NRG1: variants seen among roughly 807,000 people sequenced by gnomAD.
NRG1 encodes neuregulin 1, also known as pro-neuregulin-1, membrane-bound isoform.
In NRG1, 18 loss-of-function variants were observed where a neutral mutation model predicts 63.8. The observed-to-expected ratio is 0.28, with a 90% CI of 0.19 to 0.42. The LOEUF (loss-of-function observed/expected upper bound fraction) is 0.42, where lower values mean the gene tolerates loss of function less well. NRG1 is among the 10% of genes least tolerant of loss of function. NRG1 has a pLI of 1.00. For missense variants in NRG1, 762 were observed against 814.7 expected, an observed-to-expected ratio of 0.94 and a Z score of 0.79; for synonymous variants, 302 against 301.3, an observed-to-expected ratio of 1.00 and a Z score of -0.02.
chr8:32,026,059 T>C (rs1817260779), intron 1 of NRG1, among the ~76,000 whole-genome samples: 1 of 141,148 alleles, frequency 7.1e-6, no homozygotes, highest in Admixed American at 7.7e-5. Context: ...TTAGAGCATA[T>C]ACAATCTTTT....
At chr8:32,061,899 A>G (rs1823939909) in intron 1 of NRG1, 1 of 152,098 alleles carries the variant, frequency 6.6e-6, no homozygotes, top group Non-Finnish European at 1.5e-5. Context: ...AATAAATTAT[A>G]AAAATAAAAC....
At chr8:32,400,670 C>T (rs1024578500) in intron 1 of NRG1, among the ~76,000 whole-genome samples, 5 of 152,124 alleles carry the variant, frequency 3.3e-5, no homozygotes, top group Admixed American at 6.5e-5. Flanking sequence ...GTAAAGGGAA[C>T]GCTCATACAC....
chr8:32,272,535 A>G (rs1851654268), intron 1 of NRG1, among the ~76,000 whole-genome samples: 1 of 152,168 alleles, frequency 6.6e-6, no homozygotes, highest in South Asian at 2.1e-4. Context: ...AGAAAACAGG[A>G]CACTGAGATG....
exon 12 of NRG1, chr8:32,765,545 G>A (rs1831360069): frequency 6.6e-6 from 1 of 152,146 alleles, no homozygotes; most frequent in African/African-American, 2.4e-5. Flanking sequence ...TTTAAAATGT[G>A]GATGACCACC....
intron 1 of NRG1, among the ~76,000 whole-genome samples, chr8:31,686,301 G>C (rs947780895): frequency 6.6e-6 from 1 of 152,042 alleles, no homozygotes; most frequent in Non-Finnish European, 1.5e-5. Flanking sequence ...TATCAAAATT[G>C]TCATGTCCTC....
intron 1 of NRG1, among the ~76,000 whole-genome samples, chr8:32,265,528 A>T (rs1850833536): frequency 6.6e-6 from 1 of 152,232 alleles, no homozygotes. Flanking sequence ...CAGAAAAAAA[A>T]ATTTAAAAAT....
intron 1 of NRG1, among the ~76,000 whole-genome samples, chr8:32,322,459 T>A (rs1801522086): frequency 1.3e-5 from 2 of 151,888 alleles, no homozygotes; most frequent in Non-Finnish European, 2.9e-5. Context: ...TAAGATAGAA[T>A]AATTGCAGAA....
chr8:31,718,404 T>C (rs2131293972), intron 1 of NRG1, among the ~76,000 whole-genome samples: 1 of 152,302 alleles, frequency 6.6e-6, no homozygotes, highest in South Asian at 2.1e-4. Flanking sequence ...ATGCACTCAG[T>C]CACCCAGAGC....
intron 1 of NRG1, among the ~76,000 whole-genome samples, chr8:32,335,327 T>C (rs113068149): frequency 5.3e-5 from 8 of 152,298 alleles, no homozygotes; most frequent in African/African-American, 1.9e-4. Flanking sequence ...TGGGTGAGCT[T>C]ACCAGTTCCT....
chr8:32,740,718 A>G (rs973364155), intron 6 of NRG1, among the ~76,000 whole-genome samples: 2 of 152,216 alleles, frequency 1.3e-5, no homozygotes, highest in Admixed American at 6.5e-5. Flanking sequence ...GGCTATTTTC[A>G]TAAAGTAGGA....
At chr8:32,584,487 C>A (rs908212187) in intron 1 of NRG1, among the ~76,000 whole-genome samples, 1 of 152,128 alleles carries the variant, frequency 6.6e-6, no homozygotes, top group African/African-American at 2.4e-5. Flanking sequence ...CTGTAGTGAA[C>A]AGAGAAGAGA....
intron 1 of NRG1, among the ~76,000 whole-genome samples, chr8:32,586,831 C>T (rs1433452739): frequency 6.6e-6 from 1 of 152,124 alleles, no homozygotes; most frequent in Non-Finnish European, 1.5e-5. Context: ...TATGTAGTGA[C>T]AACAAGGCAC....
At chr8:31,859,758 T>A (rs1183712011) in intron 1 of NRG1, among the ~76,000 whole-genome samples, 1 of 152,252 alleles carries the variant, frequency 6.6e-6, no homozygotes, top group Non-Finnish European at 1.5e-5. Context: ...TGTTCTATCT[T>A]TCAGCAAATG....
At chr8:31,878,866 A>C (rs557830588) in intron 1 of NRG1, among the ~76,000 whole-genome samples, 13 of 152,286 alleles carry the variant, frequency 8.5e-5, no homozygotes, top group African/African-American at 3.1e-4. Context: ...AAAGGGAGAA[A>C]GTCTGAAATC....
chr8:32,094,362 C>T (rs1829607382), intron 1 of NRG1, among the ~76,000 whole-genome samples: 1 of 152,184 alleles, frequency 6.6e-6, no homozygotes, highest in South Asian at 2.1e-4. Flanking sequence ...AGCCCCATTA[C>T]CAAATACCAC....
chr8:31,736,715 A>G (rs893563107), intron 1 of NRG1, among the ~76,000 whole-genome samples: 1 of 152,178 alleles, frequency 6.6e-6, no homozygotes, highest in Non-Finnish European at 1.5e-5. Flanking sequence ...GCTTGCTCTA[A>G]TAAAATACTT....
intron 1 of NRG1, among the ~76,000 whole-genome samples, chr8:32,254,522 G>T (rs1849468596): frequency 6.6e-6 from 1 of 152,158 alleles, no homozygotes; most frequent in African/African-American, 2.4e-5. Context: ...GTTCTAATTT[G>T]ATTGCACTGT....
intron 1 of NRG1, among the ~76,000 whole-genome samples, chr8:31,707,122 A>C (rs993944179): frequency 6.6e-6 from 1 of 152,012 alleles, no homozygotes; most frequent in Non-Finnish European, 1.5e-5. Flanking sequence ...TCCCCTTCCA[A>C]GATTATAAAG....
At chr8:32,664,708 A>G (rs1459748498) in intron 5 of NRG1, among the ~76,000 whole-genome samples, 1 of 152,174 alleles carries the variant, frequency 6.6e-6, no homozygotes. Flanking sequence ...GATGCCATGC[A>G]TGAGTCTAAG....
Sources: allele counts gnomAD v4.1 joint callset (sites outside exome capture counted in the v4.1 genomes callset), GRCh38; gene constraint gnomAD v4.1.1; transcripts MANE v1.5; gene names NCBI Gene and HGNC (gene_info 2026-07-23, HGNC 2026-07-21).